PCDHA12: variants seen among roughly 807,000 people sequenced by gnomAD.
The protein encoded by PCDHA12 is protocadherin alpha-12.
A neutral mutation model predicts 60.0 loss-of-function variants in PCDHA12; 44 were observed. The ratio of observed to expected loss-of-function variants is 0.73; its 90% confidence interval spans 0.58 to 0.94. The LOEUF (loss-of-function observed/expected upper bound fraction) is 0.94, where lower values mean the gene tolerates loss of function less well. PCDHA12 is among the 40% of genes least tolerant of loss of function. PCDHA12 has a pLI of 0.00. For synonymous variants in PCDHA12, 569 were observed against 553.0 expected (o/e 1.03, Z -0.40); for missense variants, 1,276 against 1,239.7 (o/e 1.03, Z -0.44).
intron 1 of PCDHA12, among the ~76,000 whole-genome samples, chr5:140,941,202 C>CTTTCCTT (rs1554213921): frequency 5.7e-5 from 7 of 122,742 alleles, no homozygotes; most frequent in Admixed American, 1.7e-4. Flanking sequence ...TTTCTTTCTT[C>CTTTCCTT]CTTTCTTTCT....
At chr5:141,000,410 TATATATATATA>T (rs1554257433) in intron 3 of PCDHA12, among the ~76,000 whole-genome samples, 1 of 101,972 alleles carries the variant, frequency 9.8e-6, no homozygotes, top group Non-Finnish European at 2.0e-5. Context: ...TATATATATA[TATATATATATA>T]TTTTTTTTTT....
chr5:141,004,163 G>A (rs374407159), intron 3 of PCDHA12, among the ~76,000 whole-genome samples: 3 of 152,234 alleles, frequency 2.0e-5, no homozygotes, highest in African/African-American at 7.2e-5. Context: ...TATAGGCAAA[G>A]CCAGCCAAGT....
chr5:140,937,371 T>C (rs2153632940), intron 1 of PCDHA12, among the ~76,000 whole-genome samples: 1 of 152,314 alleles, frequency 6.6e-6, no homozygotes, highest in Non-Finnish European at 1.5e-5. Context: ...TCTTAATGTT[T>C]ATGTGTGTGT....
At chr5:140,924,906 T>A (rs199645977) in intron 1 of PCDHA12, among the ~76,000 whole-genome samples, 5,369 of 55,724 alleles carry the variant, frequency 0.096, 112 homozygotes, top group Non-Finnish European at 0.11. Context: ...AAAAAAAAAA[T>A]AAAATAAAAT....
intron 1 of PCDHA12, among the ~76,000 whole-genome samples, chr5:140,908,700 G>A (rs1357815625): frequency 6.6e-6 from 1 of 152,184 alleles, no homozygotes; most frequent in Non-Finnish European, 1.5e-5. Flanking sequence ...GACACCTCAA[G>A]CACCATTGGA....
intron 1 of PCDHA12, chr5:140,967,956 A>C: frequency 6.2e-7 from 1 of 1,614,172 alleles, no homozygotes; most frequent in Non-Finnish European, 8.5e-7. Context: ...TCAGGCCCCA[A>C]CCGGAAAGTG....
intron 3 of PCDHA12, among the ~76,000 whole-genome samples, chr5:141,005,934 G>A (rs556608068): frequency 3.4e-4 from 52 of 151,912 alleles, no homozygotes; most frequent in Non-Finnish European, 7.2e-4. Context: ...TTGACAGAGT[G>A]AGAACCTATC....
At chr5:140,950,914 T>C (rs1198787949) in intron 1 of PCDHA12, among the ~76,000 whole-genome samples, 1 of 152,044 alleles carries the variant, frequency 6.6e-6, no homozygotes, top group African/African-American at 2.4e-5. Flanking sequence ...TTTATTTTAT[T>C]TCAGTTCTTT....
intron 1 of PCDHA12, chr5:140,967,929 G>C (rs1554230126): frequency 6.2e-7 from 1 of 1,614,214 alleles, no homozygotes; most frequent in Non-Finnish European, 8.5e-7. Flanking sequence ...GCCGTTCTCA[G>C]TGTCAATGAC....
chr5:140,956,921 G>T (rs2095321008), intron 1 of PCDHA12, among the ~76,000 whole-genome samples: 1 of 151,968 alleles, frequency 6.6e-6, no homozygotes, highest in Admixed American at 6.6e-5. Context: ...CTTTAATCTT[G>T]CTGGATATAG....
At chr5:140,978,913 T>C in intron 1 of PCDHA12, 36 bp from the exon 2 acceptor site, 1 of 1,613,902 alleles carries the variant, frequency 6.2e-7, no homozygotes, top group Non-Finnish European at 8.5e-7. Flanking sequence ...CATTGTCTTG[T>C]CATTTTAACA....
Position 140,876,532 on chromosome 5 carries a change from T to C in PCDHA12, c.1060T>C (p.Ser354Pro). The C allele has an allele frequency of 2.5e-6, 4 of 1,614,158 alleles. No homozygotes were observed. The highest frequency in any genetic ancestry group is 1.6e-4 in the Middle Eastern group (1 of 6,062). Reference protein sequence around the residue: ...NDNVPEVMVTSLSLPVQEDAQ... With the variant: ...NDNVPEVMVTPLSLPVQEDAQ... ...CAATGTCCCTGAAGTAATGGTTACTTCACTGTCGCTCCCTGTGCAAGAGGA... is the reference window on the plus strand; with the variant it reads ...CAATGTCCCTGAAGTAATGGTTACTCCACTGTCGCTCCCTGTGCAAGAGGA... Residue 354 changes from serine to proline, a missense_variant, in exon 1 of 4, where the codon TCA (serine) becomes CCA (proline). Ser to Pro is a moderately conservative substitution (Grantham distance 74). Transcript: ENST00000398631.
chr5:140,882,539 G>A (rs1303287274), intron 1 of PCDHA12: 2 of 1,614,110 alleles, frequency 1.2e-6, no homozygotes, highest in African/African-American at 2.7e-5. Flanking sequence ...TTCTCGGATC[G>A]ACCGCGAGGA....
chr5:140,911,605 T>C (rs2075559169), intron 1 of PCDHA12, among the ~76,000 whole-genome samples: 1 of 152,224 alleles, frequency 6.6e-6, no homozygotes, highest in Non-Finnish European at 1.5e-5. Context: ...AACTTCATTA[T>C]GTTCCTTAGT....
rs782205253 is a variant in PCDHA12, at chr5:140,927,557, T to C, written c.2367+49718T>C. 12 of 1,614,028 alleles carry C rather than the reference T, an allele frequency of 7.4e-6. No homozygotes were observed. In the East Asian group the frequency reaches 2.7e-4, roughly 36 times the overall value. On this transcript the variant is annotated intron_variant, in intron 1 of 3. Coordinates refer to ENST00000398631, the MANE Select transcript of PCDHA12 (RefSeq NM_018903.4). ...TCAGGAGACGCACAAGTCACCATCATTGTGGTGGACACAAATGACAACGCG... is the reference window on the plus strand; with the variant it reads ...TCAGGAGACGCACAAGTCACCATCACTGTGGTGGACACAAATGACAACGCG...
intron 3 of PCDHA12, among the ~76,000 whole-genome samples, chr5:140,984,877 C>A (rs1178230954): frequency 1.3e-5 from 2 of 151,944 alleles, no homozygotes; most frequent in Non-Finnish European, 2.9e-5. Flanking sequence ...TATTGAGTTA[C>A]CATGAGAACT....
intron 3 of PCDHA12, among the ~76,000 whole-genome samples, chr5:141,005,018 T>G (rs2098193299): frequency 6.6e-6 from 1 of 152,250 alleles, no homozygotes; most frequent in Non-Finnish European, 1.5e-5. Context: ...AGCTGCATTA[T>G]ATATAATTGC....
chr5:140,887,950 A>G (rs1397658604), intron 1 of PCDHA12, among the ~76,000 whole-genome samples: 1 of 152,110 alleles, frequency 6.6e-6, no homozygotes, highest in Non-Finnish European at 1.5e-5. Context: ...TATCTGTATA[A>G]GATTCTTTTT....
At chr5:140,888,956 G>T (rs1043287613) in intron 1 of PCDHA12, among the ~76,000 whole-genome samples, 2 of 151,722 alleles carry the variant, frequency 1.3e-5, no homozygotes, top group Non-Finnish European at 2.9e-5. Flanking sequence ...TTTTTCTTTG[G>T]CAATGTTAAT....
Sources: gnomAD v4.1 joint callset for allele counts (sites outside exome capture counted in the v4.1 genomes callset) on GRCh38, gnomAD v4.1.1 for gene constraint, MANE v1.5 for transcripts, NCBI Gene and HGNC (gene_info 2026-07-23, HGNC 2026-07-21) for gene names.